ATP8A2: variants seen among roughly 807,000 people sequenced by gnomAD.
ATP8A2 encodes the protein phospholipid-transporting ATPase IB.
Under a neutral mutation model 165.6 loss-of-function variants are expected in ATP8A2, and 100 were observed. That is an observed-to-expected ratio of 0.60 (90% confidence interval 0.51 to 0.71). The LOEUF is 0.71. Ranked by LOEUF, ATP8A2 falls within the 30% of genes least tolerant of loss-of-function variation. The pLI, the probability that ATP8A2 is intolerant of heterozygous loss-of-function variation, is 0.00. For missense variants in ATP8A2, 1,227 were observed against 1,479.5 expected, an observed-to-expected ratio of 0.83 and a Z score of 2.80; for synonymous variants, 543 against 548.8, an observed-to-expected ratio of 0.99 and a Z score of 0.15.
At chr13:25,601,001 T>C (rs1163917060) in intron 24 of ATP8A2, among the ~76,000 whole-genome samples, 1 of 152,208 alleles carries the variant, frequency 6.6e-6, no homozygotes, top group African/African-American at 2.4e-5. Context: ...CATGGTACTT[T>C]GCAGTGACAG....
intron 24 of ATP8A2, among the ~76,000 whole-genome samples, chr13:25,696,245 A>G (rs1405234791): frequency 6.6e-6 from 1 of 152,212 alleles, no homozygotes; most frequent in African/African-American, 2.4e-5. Context: ...GGTGTTAGCC[A>G]GGCTTTGTTT....
At chr13:25,528,661 C>G (rs1046188845) in intron 2 of ATP8A2, among the ~76,000 whole-genome samples, 1 of 151,882 alleles carries the variant, frequency 6.6e-6, no homozygotes, top group Non-Finnish European at 1.5e-5. Flanking sequence ...GCTAGATAAT[C>G]TTTTTTTTAT....
chr13:25,601,371 G>A (rs1315075592), intron 24 of ATP8A2, among the ~76,000 whole-genome samples: 1 of 152,224 alleles, frequency 6.6e-6, no homozygotes, highest in East Asian at 1.9e-4. Flanking sequence ...AGATGAATAC[G>A]ATGTTTTCAT....
intron 24 of ATP8A2, among the ~76,000 whole-genome samples, chr13:25,617,214 A>G (rs552828989): frequency 1.5e-4 from 23 of 152,294 alleles, no homozygotes; most frequent in African/African-American, 5.5e-4. Flanking sequence ...AGCTTTGTTC[A>G]TTTCCTCAAA....
chr13:25,928,913 G>A (rs9319256), intron 33 of ATP8A2, among the ~76,000 whole-genome samples: 3,270 of 152,306 alleles, frequency 0.021, 112 homozygotes, highest in African/African-American at 0.072. Flanking sequence ...CGGGTGAACA[G>A]TTCGACCCCT....
At chr13:25,631,926 A>G (rs2041250317) in intron 24 of ATP8A2, among the ~76,000 whole-genome samples, 1 of 152,106 alleles carries the variant, frequency 6.6e-6, no homozygotes, top group Non-Finnish European at 1.5e-5. Flanking sequence ...TGGGTGTCCT[A>G]CAATTTAACT....
chr13:25,800,331 G>A (rs575197017), intron 27 of ATP8A2, among the ~76,000 whole-genome samples: 49 of 152,334 alleles, frequency 3.2e-4, no homozygotes, highest in African/African-American at 1.2e-3. Context: ...CCTGGTCAGA[G>A]CAGGAAAGGA....
At chr13:25,400,984 A>C (rs2033618191) in intron 1 of ATP8A2, among the ~76,000 whole-genome samples, 1 of 152,140 alleles carries the variant, frequency 6.6e-6, no homozygotes, top group South Asian at 2.1e-4. Flanking sequence ...CTTAACAGGA[A>C]GTTTTTGTCT....
intron 24 of ATP8A2, among the ~76,000 whole-genome samples, chr13:25,628,643 C>A (rs1022613159): frequency 3.9e-5 from 6 of 152,022 alleles, no homozygotes; most frequent in African/African-American, 1.5e-4. Context: ...TCTGCAGGAT[C>A]AGTCTCCTCT....
At chr13:25,869,288 T>C (rs1406299494) in intron 33 of ATP8A2, among the ~76,000 whole-genome samples, 2 of 151,742 alleles carry the variant, frequency 1.3e-5, no homozygotes, top group Non-Finnish European at 2.9e-5. Flanking sequence ...CTCCTCCTGC[T>C]TAAAAACAAA....
chr13:25,914,461 G>GAGCA, intron 33 of ATP8A2, among the ~76,000 whole-genome samples: 1 of 152,232 alleles, frequency 6.6e-6, no homozygotes, highest in Non-Finnish European at 1.5e-5. Context: ...GTGTACTGAT[G>GAGCA]AGCACCCTTA....
intron 24 of ATP8A2, among the ~76,000 whole-genome samples, chr13:25,621,875 A>G (rs939829388): frequency 3.3e-5 from 5 of 152,152 alleles, no homozygotes; most frequent in African/African-American, 1.2e-4. Context: ...TATTTATTTC[A>G]TAAATTAAGC....
chr13:25,868,752 T>C (rs955139440), intron 33 of ATP8A2, among the ~76,000 whole-genome samples: 1 of 152,024 alleles, frequency 6.6e-6, no homozygotes, highest in Admixed American at 6.5e-5. Flanking sequence ...CCTAGAAGGC[T>C]CCCAACACCA....
chr13:25,419,551 TACTC>T (rs2138094969), intron 1 of ATP8A2, among the ~76,000 whole-genome samples: 1 of 152,332 alleles, frequency 6.6e-6, no homozygotes, highest in African/African-American at 2.4e-5. Flanking sequence ...CCAACGCACT[TACTC>T]ACTGGGCAGC....
chr13:25,771,937 A>G (rs1361982036), intron 26 of ATP8A2, among the ~76,000 whole-genome samples: 1 of 152,128 alleles, frequency 6.6e-6, no homozygotes, highest in Admixed American at 6.5e-5. Context: ...TTTAATGTGG[A>G]TGCATTTTTT....
intron 33 of ATP8A2, among the ~76,000 whole-genome samples, chr13:25,906,675 T>C (rs372237152): frequency 7.9e-5 from 12 of 152,316 alleles, no homozygotes; most frequent in African/African-American, 2.9e-4. Context: ...TCACTGCTTC[T>C]ACTTAACTAT....
In ATP8A2 at chr13:25,786,754, GTT is replaced by G. The variant is rs1555266490; in HGVS notation, c.2679+11813_2679+11814del. On this transcript the variant is annotated intron_variant, in intron 27 of 36. Coordinates refer to ENST00000381655, the MANE Select transcript of ATP8A2 (RefSeq NM_016529.6). ...AACCCTTTTTAATGCACAATTCTAT[GTT>G]TTTTTTTTTTTTTTTTTGAGACAGA... 2.9e-4 allele frequency among the ~76,000 whole-genome samples: 39 copies of G among 134,636 alleles called. 1 individual carries two copies. Among genetic ancestry groups the G allele is most frequent in the African/African-American group, 5.5e-4 (20 of 36,174 alleles). The allele number at this position is 134,636 out of a possible 152,430, so 88.3% of individuals were successfully genotyped here.
At chr13:25,406,385 C>G (rs1242808403) in intron 1 of ATP8A2, among the ~76,000 whole-genome samples, 1 of 152,190 alleles carries the variant, frequency 6.6e-6, no homozygotes, top group Non-Finnish European at 1.5e-5. Flanking sequence ...TAAGTACCTG[C>G]TCTTACAGCA....
chr13:25,648,934 T>C (rs973577439), intron 24 of ATP8A2: 2 of 447,412 alleles, frequency 4.5e-6, no homozygotes, highest in African/African-American at 4.0e-5. Context: ...ATTATGACTG[T>C]ATTCTTGCAG....
Sources: allele counts gnomAD v4.1 joint callset (sites outside exome capture counted in the v4.1 genomes callset), GRCh38; gene constraint gnomAD v4.1.1; transcripts MANE v1.5; gene names NCBI Gene and HGNC (gene_info 2026-07-23, HGNC 2026-07-21).